The following MED13L variants were observed in gnomAD, a reference collection of about 807,000 sequenced individuals.
MED13L encodes mediator of RNA polymerase II transcription subunit 13-like.
MED13L carries 7 observed loss-of-function variants against 220.9 expected under a neutral mutation model. That is an observed-to-expected ratio of 0.03 (90% CI 0.02 to 0.06). The LOEUF is 0.06. MED13L is among the 10% of genes least tolerant of loss of function. The pLI, the probability that MED13L is intolerant of heterozygous loss-of-function variation, is 1.00. For synonymous variants in MED13L, 1,011 were observed against 1,015.2 expected (o/e 1.00, Z 0.08); for missense variants, 1,965 against 2,760.5 (o/e 0.71, Z 6.46).
chr12:116,239,037 G>T (rs2138466165), intron 1 of MED13L, among the ~76,000 whole-genome samples: 1 of 152,314 alleles, frequency 6.6e-6, no homozygotes, highest in Non-Finnish European at 1.5e-5. Flanking sequence ...GGAGGTTGCA[G>T]TGAGCCGAGA....
At chr12:116,241,077 G>A (rs1412904832) in intron 1 of MED13L, among the ~76,000 whole-genome samples, 1 of 151,616 alleles carries the variant, frequency 6.6e-6, no homozygotes, top group Non-Finnish European at 1.5e-5. Flanking sequence ...GGGAGGCAGA[G>A]GCGGGCGGAT....
At position 115,960,941 on chromosome 12, in the gene MED13L, G is replaced by A. The variant is rs1875716764; in HGVS notation, c.*325C>T. 7.8e-6 allele frequency: 3 copies of A among 386,838 alleles called. No homozygotes were observed. Among genetic ancestry groups the A allele is most frequent in the Non-Finnish European group, 9.9e-6 (2 of 201,350 alleles). 24.0% of individuals were successfully genotyped at this position (386,838 alleles called of 1,614,324 possible). A position where few individuals can be genotyped will look rare whatever the true frequency, so the allele number is the denominator to read the frequency against. On this transcript the variant is annotated 3_prime_UTR_variant, in exon 31 of 31. Transcript: ENST00000281928. Reference sequence around the variant, plus strand: ...GAAAACACAGACTCTTGTGCAAAAGGACACTGTCTCTTCTGTTTCCCGCTG... The same window carrying A: ...GAAAACACAGACTCTTGTGCAAAAGAACACTGTCTCTTCTGTTTCCCGCTG...
At chr12:116,103,682 G>A (rs1038569840) in intron 3 of MED13L, among the ~76,000 whole-genome samples, 1 of 152,150 alleles carries the variant, frequency 6.6e-6, no homozygotes, top group Non-Finnish European at 1.5e-5. Context: ...CAGGGTGAAT[G>A]TTTCTTTCTA....
chr12:116,091,659 C>T (rs1035903862), intron 4 of MED13L, among the ~76,000 whole-genome samples: 2 of 152,222 alleles, frequency 1.3e-5, no homozygotes, highest in African/African-American at 4.8e-5. Flanking sequence ...TCAGTATCTT[C>T]ACTTCAACTC....
intron 4 of MED13L, among the ~76,000 whole-genome samples, chr12:116,038,932 A>G (rs778951576): frequency 1.3e-5 from 2 of 151,680 alleles, no homozygotes; most frequent in Non-Finnish European, 2.9e-5. Flanking sequence ...TAAATTTACT[A>G]TATGAAAGCT....
At chr12:116,084,227 C>A (rs1871444894) in intron 4 of MED13L, among the ~76,000 whole-genome samples, 2 of 152,206 alleles carry the variant, frequency 1.3e-5, no homozygotes, top group Admixed American at 1.3e-4. Flanking sequence ...AGCCTTTCCA[C>A]TCTTAAAGTG....
intron 4 of MED13L, among the ~76,000 whole-genome samples, chr12:116,048,035 C>CT (rs60589463): frequency 0.17 from 25,051 of 146,086 alleles, 2,147 homozygotes; most frequent in Middle Eastern, 0.22. Flanking sequence ...ATATATGTTA[C>CT]TTTTTTTTTT....
chr12:116,277,237 GGCC>G lies in MED13L; in HGVS notation c.-109_-107del, dbSNP rs956236456. On this transcript the variant is annotated 5_prime_UTR_variant, in exon 1 of 31. Transcript: ENST00000281928. The stretch of plus-strand genomic sequence containing the variant: ...CTCGCCGGGGAGCGCGGGGCGGCCG[GGCC>G]GCCGCCGCCGCCGGGGGAGGGCGCG... The G allele has an allele frequency of 1.1e-4, 57 of 496,252 alleles. No individual in the cohort carries two copies. The highest frequency in any genetic ancestry group is 1.7e-4 in the South Asian group (2 of 12,102). 30.7% of individuals were successfully genotyped at this position (496,252 alleles called of 1,614,324 possible). A position where few individuals can be genotyped will look rare whatever the true frequency, so the allele number is the denominator to read the frequency against.
chr12:116,001,214 T>C (rs376771850), intron 14 of MED13L, among the ~76,000 whole-genome samples: 2 of 152,186 alleles, frequency 1.3e-5, no homozygotes, highest in South Asian at 4.1e-4. Context: ...TTCTGTTTTT[T>C]GAGATGGAGT....
In MED13L at chr12:116,277,346, C is replaced by CGGCT. The variant is rs1873962280; in HGVS notation, c.-216_-215insAGCC. 1 of 122,546 alleles carries CGGCT rather than the reference C, an allele frequency of 8.2e-6. No individual in the cohort carries two copies. Among genetic ancestry groups the CGGCT allele is most frequent in the African/African-American group, 3.0e-5 (1 of 33,342 alleles). The allele number at this position is 122,546 out of a possible 1,614,324, so 7.6% of individuals were successfully genotyped here. A position where few individuals can be genotyped will look rare whatever the true frequency, so the allele number is the denominator to read the frequency against. On this transcript the variant is annotated 5_prime_UTR_variant, in exon 1 of 31. Transcript: ENST00000281928. ...CCCGGGCTGGCGGGGGGGGCGCGCG[C>CGGCT]CCCGGGCCGGCGCTGCGGGCCGGCC...
At chr12:116,108,481 C>T (rs948080251) in intron 3 of MED13L, among the ~76,000 whole-genome samples, 1 of 151,704 alleles carries the variant, frequency 6.6e-6, no homozygotes, top group Admixed American at 6.6e-5. Flanking sequence ...ATTAGCCCTT[C>T]CAACTTCTGT....
At position 115,959,966 on chromosome 12, in the gene MED13L, G is replaced by A. The variant is rs777310346; in HGVS notation, c.*1300C>T. On this transcript the variant is annotated 3_prime_UTR_variant, in exon 31 of 31. Coordinates refer to ENST00000281928, the MANE Select transcript of MED13L (RefSeq NM_015335.5). ...CCCGGGAGGCCAGTACACACCCACT[G>A]TCCTCAGACAGAAACACACAACACA... is the stretch of plus-strand genomic sequence containing the variant. 5.2e-5 allele frequency: 8 copies of A among 152,502 alleles called. No homozygotes were observed. The highest frequency in any genetic ancestry group is 1.0e-4 in the Non-Finnish European group (7 of 68,026). 9.4% of individuals were successfully genotyped at this position (152,502 alleles called of 1,614,324 possible).
At chr12:116,114,502 C>CA (rs963474157) in intron 2 of MED13L, among the ~76,000 whole-genome samples, 7 of 152,022 alleles carry the variant, frequency 4.6e-5, no homozygotes, top group African/African-American at 1.7e-4. Context: ...TTCAAACAAA[C>CA]AACAACAAAA....
intron 2 of MED13L, among the ~76,000 whole-genome samples, chr12:116,235,427 T>C (rs771712163): frequency 2.2e-4 from 34 of 152,142 alleles, no homozygotes; most frequent in Non-Finnish European, 5.9e-5. Flanking sequence ...AATTAGAAAA[T>C]TAGAAAAACT....
At chr12:116,140,145 TC>T (rs1158072122) in intron 2 of MED13L, among the ~76,000 whole-genome samples, 3 of 151,618 alleles carry the variant, frequency 2.0e-5, no homozygotes, top group Non-Finnish European at 2.9e-5. Context: ...AAAAACATAC[TC>T]CCCCCCTTTC....
chr12:116,086,376 C>A (rs543385116), intron 4 of MED13L, among the ~76,000 whole-genome samples: 1 of 151,616 alleles, frequency 6.6e-6, no homozygotes, highest in Non-Finnish European at 1.5e-5. Flanking sequence ...CTCCGCCTCC[C>A]GGGTTCAAGC....
In MED13L at chr12:116,237,612, T is replaced by C. The variant is rs777432809; in HGVS notation, c.166A>G (p.Ile56Val). Residue 56 changes from isoleucine (I) to valine (V), a missense_variant, in exon 2 of 31, where the codon ATT becomes GTT. Ile to Val is a conservative substitution (Grantham distance 29). This residue lies in a region of MED13L where 818 missense variants were observed against 1,041.2 expected (regional missense o/e 0.79). Transcript: ENST00000281928. ...IISAPAQDDP[I>V]LLSFIRCLQA... ...AGACAGCGGATGAAACTTAACAGAA[T>C]TGGATCATCTTGGGCTGGGGCTGAA... 42 of 1,614,052 alleles carry C rather than the reference T, an allele frequency of 2.6e-5. No homozygotes were observed. In the Admixed American group the frequency reaches 4.5e-4, roughly 17 times the overall value.
intron 2 of MED13L, among the ~76,000 whole-genome samples, chr12:116,164,625 A>T (rs1206881928): frequency 6.6e-6 from 1 of 152,158 alleles, no homozygotes; most frequent in East Asian, 1.9e-4. Flanking sequence ...CTAGTTTTCC[A>T]CTATAGCTTA....
At chr12:116,030,380 A>C (rs1880665114) in intron 4 of MED13L, among the ~76,000 whole-genome samples, 1 of 152,228 alleles carries the variant, frequency 6.6e-6, no homozygotes, top group Non-Finnish European at 1.5e-5. Context: ...AATGGAAATC[A>C]CAAAATATTT....
Sources: gnomAD v4.1 joint callset for allele counts (sites outside exome capture counted in the v4.1 genomes callset) on GRCh38, gnomAD v4.1.1 for gene constraint, gnomAD v4.1.1 regional missense constraint, MANE v1.5 for transcripts, NCBI Gene and HGNC (gene_info 2026-07-23, HGNC 2026-07-21) for gene names.